Variants in SMOC2 observed in about 807,000 individuals in gnomAD.
The protein encoded by SMOC2 is SPARC-related modular calcium-binding protein 2.
Under a neutral mutation model 61.4 loss-of-function variants are expected in SMOC2, and 39 were observed. The observed-to-expected ratio is 0.64, with a 90% CI of 0.49 to 0.83. The LOEUF is 0.83. Among genes scored for constraint, SMOC2 ranks in the 40% least tolerant of loss-of-function variants. The probability of loss-of-function intolerance (pLI) is 0.00; values close to 1 mark genes in which losing one functional copy is unlikely to be tolerated. For synonymous variants in SMOC2, 247 were observed against 239.9 expected (o/e 1.03, Z -0.27); for missense variants, 556 against 592.9 (o/e 0.94, Z 0.65).
intron 11 of SMOC2, among the ~76,000 whole-genome samples, chr6:168,660,542 G>T (rs192851685): frequency 6.6e-6 from 1 of 152,234 alleles, no homozygotes; most frequent in African/African-American, 2.4e-5. Flanking sequence ...CTACAGAATC[G>T]CGATGGCTTA....
At chr6:168,518,682 GTGAA>G (rs1375782782) in intron 2 of SMOC2, among the ~76,000 whole-genome samples, 1 of 139,560 alleles carries the variant, frequency 7.2e-6, no homozygotes, top group Non-Finnish European at 1.7e-5. Flanking sequence ...GTGCTTGTGT[GTGAA>G]TGTGTATGAG....
At chr6:168,650,074 A>C (rs1011688440) in intron 9 of SMOC2, among the ~76,000 whole-genome samples, 1 of 152,172 alleles carries the variant, frequency 6.6e-6, no homozygotes, top group Non-Finnish European at 1.5e-5. Context: ...GGGTGCCTGA[A>C]TTATTCCCTG....
chr6:168,649,751 T>C (rs558834052), intron 9 of SMOC2, among the ~76,000 whole-genome samples: 1 of 152,136 alleles, frequency 6.6e-6, no homozygotes, highest in Admixed American at 6.5e-5. Flanking sequence ...CCAGCAAGCA[T>C]GTATTGGGCA....
chr6:168,556,144 C>T, intron 7 of SMOC2, among the ~76,000 whole-genome samples: 1 of 152,140 alleles, frequency 6.6e-6, no homozygotes, highest in East Asian at 1.9e-4. Flanking sequence ...TGAAGTGTTC[C>T]CGGGGGTCCG....
At chr6:168,586,264 T>C (rs191140770) in intron 7 of SMOC2, among the ~76,000 whole-genome samples, 1 of 152,322 alleles carries the variant, frequency 6.6e-6, no homozygotes, top group Admixed American at 6.5e-5. Context: ...TTGAATTGTT[T>C]TGGTGCCTCA....
At chr6:168,460,680 C>T (rs1781701214) in intron 1 of SMOC2, among the ~76,000 whole-genome samples, 1 of 152,130 alleles carries the variant, frequency 6.6e-6, no homozygotes, top group African/African-American at 2.4e-5. Context: ...GCTGGCTTGA[C>T]ATTTAAAGGT....
At chr6:168,509,844 A>G (rs543216065) in intron 1 of SMOC2, 71 bp from the exon 2 acceptor site, 1 of 1,474,686 alleles carries the variant, frequency 6.8e-7, no homozygotes. Context: ...GGCCTGAGGC[A>G]GCCTTCTGTT....
chr6:168,607,196 TC>T (rs1562377917), intron 8 of SMOC2, among the ~76,000 whole-genome samples: 1 of 151,674 alleles, frequency 6.6e-6, no homozygotes, highest in Non-Finnish European at 1.5e-5. Flanking sequence ...GGGTGGGGGC[TC>T]CGGGAGGCAG....
intron 4 of SMOC2, among the ~76,000 whole-genome samples, chr6:168,536,307 G>C (rs1356116788): frequency 6.6e-6 from 1 of 152,144 alleles, no homozygotes; most frequent in Non-Finnish European, 1.5e-5. Flanking sequence ...CCTGATCCCG[G>C]GTGAGGGACG....
At chr6:168,642,414 A>G (rs911947) in intron 9 of SMOC2, among the ~76,000 whole-genome samples, 137,989 of 152,316 alleles carry the variant, frequency 0.91, 62,690 homozygotes, top group African/African-American at 0.96. Context: ...TACAGTTCAC[A>G]ACGTACACAG....
At chr6:168,516,341 T>A (rs2749269) in intron 2 of SMOC2, among the ~76,000 whole-genome samples, 4 of 150,474 alleles carry the variant, frequency 2.7e-5, no homozygotes, top group Non-Finnish European at 4.4e-5. Context: ...GCTGTCTTTC[T>A]TTTCAACAAA....
In SMOC2 at chr6:168,482,107, T is replaced by C. The variant is rs560241597; in HGVS notation, c.85-27808T>C. Among the ~76,000 whole-genome samples, 11 of 151,988 alleles carry C rather than the reference T, an allele frequency of 7.2e-5. No homozygotes were observed. In the East Asian group the frequency reaches 1.5e-3, roughly 21 times the overall value. On this transcript the variant is annotated intron_variant, in intron 1 of 12. Transcript: ENST00000356284. The stretch of plus-strand genomic sequence containing the variant: ...GAAAATTAGTGAAACAAAAAATTGG[T>C]TCTTTGAAAAGATCAATAAAATTGA...
chr6:168,624,103 AACC>A (rs1407801032), intron 9 of SMOC2, among the ~76,000 whole-genome samples: 1 of 152,226 alleles, frequency 6.6e-6, no homozygotes, highest in East Asian at 1.9e-4. Flanking sequence ...CAGGGTCAAC[AACC>A]ACCACCACAA....
chr6:168,664,832 C>G (rs1252621652), intron 12 of SMOC2: 1 of 470,312 alleles, frequency 2.1e-6, no homozygotes, highest in Admixed American at 2.4e-5. Context: ...ATGTCTCTCT[C>G]CTTCAAAGCC....
At chr6:168,660,994 C>T (rs16887254) in intron 11 of SMOC2, among the ~76,000 whole-genome samples, 7,070 of 152,202 alleles carry the variant, frequency 0.046, 402 homozygotes, top group African/African-American at 0.13. Flanking sequence ...AGAATATGAT[C>T]GCTCCTAGCA....
intron 1 of SMOC2, among the ~76,000 whole-genome samples, chr6:168,451,623 CT>C (rs1562535991): frequency 2.9e-4 from 44 of 151,570 alleles, no homozygotes; most frequent in Non-Finnish European, 5.0e-4. Context: ...CTCTCTCTCT[CT>C]CTCTCCCTCC....
intron 11 of SMOC2, among the ~76,000 whole-genome samples, chr6:168,657,168 T>C (rs1036724795): frequency 6.6e-6 from 1 of 152,214 alleles, no homozygotes; most frequent in Non-Finnish European, 1.5e-5. Flanking sequence ...AGGCTCATGA[T>C]CCAATATCCA....
chr6:168,451,162 TCCCTCCCTC>T (rs1316607512), intron 1 of SMOC2, among the ~76,000 whole-genome samples: 1 of 152,142 alleles, frequency 6.6e-6, no homozygotes, highest in Non-Finnish European at 1.5e-5. Context: ...TACTGAGCTT[TCCCTCCCTC>T]CCTCGGGTCG....
At chr6:168,480,580 A>AT (rs1277653363) in intron 1 of SMOC2, among the ~76,000 whole-genome samples, 8 of 151,840 alleles carry the variant, frequency 5.3e-5, no homozygotes, top group African/African-American at 9.7e-5. Flanking sequence ...TGAGAAATAT[A>AT]TTTTTTTTAA....
Sources: gnomAD v4.1 joint callset for allele counts (sites outside exome capture counted in the v4.1 genomes callset) on GRCh38, gnomAD v4.1.1 for gene constraint, MANE v1.5 for transcripts, NCBI Gene and HGNC (gene_info 2026-07-23, HGNC 2026-07-21) for gene names.